The following WWOX variants were observed in gnomAD, a reference collection of about 807,000 sequenced individuals.
The protein encoded by WWOX is WW domain-containing oxidoreductase.
WWOX carries 69 observed loss-of-function variants against 46.2 expected under a neutral mutation model. The observed-to-expected ratio is 1.49, with a 90% CI of 1.23 to 1.82. WWOX has a LOEUF of 1.82. WWOX is among the 40% of genes most tolerant of loss of function. The pLI is 0.00. For synonymous variants in WWOX, 359 were observed against 202.6 expected, an observed-to-expected ratio of 1.77 and a Z score of -6.56; for missense variants, 919 against 542.6, an observed-to-expected ratio of 1.69 and a Z score of -6.89.
intron 8 of WWOX, among the ~76,000 whole-genome samples, chr16:78,796,860 C>G (rs890782803): frequency 2.7e-5 from 4 of 146,746 alleles, no homozygotes; most frequent in Admixed American, 1.4e-4. Context: ...TAGTCTCACT[C>G]TGTCACCTAG....
At chr16:78,405,504 T>A (rs1403303077) in intron 6 of WWOX, among the ~76,000 whole-genome samples, 1 of 152,246 alleles carries the variant, frequency 6.6e-6, no homozygotes, top group Non-Finnish European at 1.5e-5. Flanking sequence ...TGTTGATGTT[T>A]CTCATTTTAT....
At chr16:79,061,635 G>A (rs1310981865) in intron 8 of WWOX, among the ~76,000 whole-genome samples, 1 of 152,212 alleles carries the variant, frequency 6.6e-6, no homozygotes, top group East Asian at 1.9e-4. Flanking sequence ...ATCCATGACA[G>A]TATTGGTTCA....
chr16:78,514,878 A>C (rs1471203171), intron 8 of WWOX, among the ~76,000 whole-genome samples: 1 of 152,188 alleles, frequency 6.6e-6, no homozygotes, highest in Non-Finnish European at 1.5e-5. Flanking sequence ...ATACAGCCCC[A>C]TAAAGTGAAG....
At chr16:79,053,960 C>G (rs1358519080) in intron 8 of WWOX, among the ~76,000 whole-genome samples, 1 of 150,636 alleles carries the variant, frequency 6.6e-6, no homozygotes, top group South Asian at 2.1e-4. Context: ...TTTTCTTTCT[C>G]CTTTTTCTGC....
intron 8 of WWOX, among the ~76,000 whole-genome samples, chr16:79,042,027 C>G (rs2047981149): frequency 6.6e-6 from 1 of 152,268 alleles, no homozygotes; most frequent in African/African-American, 2.4e-5. Context: ...CTATCCTACT[C>G]TTTATGTTCC....
intron 5 of WWOX, among the ~76,000 whole-genome samples, chr16:78,207,201 C>G (rs1381565098): frequency 6.6e-6 from 1 of 152,178 alleles, no homozygotes; most frequent in East Asian, 1.9e-4. Context: ...CCACATGGAC[C>G]TACTCTATCC....
chr16:78,666,878 C>T (rs1008327355), intron 8 of WWOX, among the ~76,000 whole-genome samples: 7 of 152,186 alleles, frequency 4.6e-5, no homozygotes, highest in Non-Finnish European at 8.8e-5. Flanking sequence ...AGGCTCCATA[C>T]TAAATTCAGA....
rs180687752 is a variant in WWOX at position 78,433,379 on chromosome 16, C to T, written c.1056+627C>T. 9.6e-4 allele frequency among the ~76,000 whole-genome samples: 146 copies of T among 152,192 alleles called. 1 individual carries two copies. The highest frequency in any genetic ancestry group is 3.3e-3 in the African/African-American group (139 of 41,534). On this transcript the variant is annotated intron_variant, in intron 8 of 8. Coordinates refer to ENST00000566780, the MANE Select transcript of WWOX (RefSeq NM_016373.4). The stretch of plus-strand genomic sequence containing the variant: ...TTTTTATAGTTTGGTGTTCATTTAT[C>T]GACCATATTAAGAACCTTCTTCTAT...
At chr16:78,395,608 C>T (rs554199605) in intron 6 of WWOX, among the ~76,000 whole-genome samples, 1 of 152,098 alleles carries the variant, frequency 6.6e-6, no homozygotes, top group East Asian at 1.9e-4. Context: ...TGCCTGACAA[C>T]CAAGAGAAGA....
At chr16:78,478,956 G>C (rs1024233963) in intron 8 of WWOX, among the ~76,000 whole-genome samples, 2 of 151,374 alleles carry the variant, frequency 1.3e-5, no homozygotes, top group Non-Finnish European at 2.9e-5. Context: ...TTTCTCCTTT[G>C]ATTTTGTCAT....
chr16:78,930,271 CTCT>C (rs2045593890), intron 8 of WWOX, among the ~76,000 whole-genome samples: 23 of 115,516 alleles, frequency 2.0e-4, no homozygotes, highest in African/African-American at 3.9e-4. Context: ...TCCTTCCTTT[CTCT>C]CTTTCTTTTT....
At chr16:78,973,121 C>A (rs1400845741) in intron 8 of WWOX, among the ~76,000 whole-genome samples, 1 of 152,220 alleles carries the variant, frequency 6.6e-6, no homozygotes. Context: ...CTCTCATTCC[C>A]TTCCCGTATA....
intron 8 of WWOX, among the ~76,000 whole-genome samples, chr16:78,668,060 C>G (rs956663254): frequency 2.6e-5 from 4 of 152,138 alleles, no homozygotes; most frequent in African/African-American, 7.2e-5. Context: ...GGGTGGATCA[C>G]TTGAGGTCAG....
chr16:78,781,348 G>T (rs1207954877), intron 8 of WWOX, among the ~76,000 whole-genome samples: 1 of 152,158 alleles, frequency 6.6e-6, no homozygotes, highest in Non-Finnish European at 1.5e-5. Context: ...TGAGATCTCA[G>T]AAATCTGCAC....
At chr16:78,179,054 G>T (rs1254751640) in intron 5 of WWOX, among the ~76,000 whole-genome samples, 1 of 152,114 alleles carries the variant, frequency 6.6e-6, no homozygotes, top group Non-Finnish European at 1.5e-5. Context: ...AGGTGGCTGG[G>T]TGGAGTCACC....
intron 1 of WWOX, 199 bp downstream of exon 1, chr16:78,100,084 G>A: frequency 3.6e-6 from 5 of 1,383,888 alleles, no homozygotes; most frequent in Non-Finnish European, 4.7e-6. Flanking sequence ...TCCAGCGGGG[G>A]TCACCTGGTG....
intron 8 of WWOX, among the ~76,000 whole-genome samples, chr16:79,100,041 C>G (rs2049159935): frequency 6.6e-6 from 1 of 152,158 alleles, no homozygotes. Flanking sequence ...TAAAATCTTC[C>G]AAATGATTGA....
At chr16:78,919,957 C>T (rs1024572721) in intron 8 of WWOX, among the ~76,000 whole-genome samples, 9 of 152,162 alleles carry the variant, frequency 5.9e-5, no homozygotes, top group Non-Finnish European at 1.2e-4. Context: ...GACTACCAAA[C>T]ACGTAAGCTT....
chr16:78,380,509 G>A (rs8058540), intron 5 of WWOX, among the ~76,000 whole-genome samples: 1 of 151,992 alleles, frequency 6.6e-6, no homozygotes, highest in Admixed American at 6.6e-5. Context: ...CCATTCAGCC[G>A]TATCAGTGAA....
Sources: gnomAD v4.1 joint callset for allele counts (sites outside exome capture counted in the v4.1 genomes callset) on GRCh38, gnomAD v4.1.1 for gene constraint, MANE v1.5 for transcripts, NCBI Gene and HGNC (gene_info 2026-07-23, HGNC 2026-07-21) for gene names.